The following PRKN variants were observed in gnomAD, a reference collection of about 807,000 sequenced individuals.
The protein encoded by PRKN is parkin RBR E3 ubiquitin protein ligase.
A neutral mutation model predicts 59.5 loss-of-function variants in PRKN; 56 were observed. That is an observed-to-expected ratio of 0.94 (90% CI 0.76 to 1.18). The LOEUF is 1.18. PRKN is among the 50% of genes most tolerant of loss of function. PRKN has a pLI of 0.00. For synonymous variants in PRKN, 250 were observed against 222.1 expected, an observed-to-expected ratio of 1.13 and a Z score of -1.12; for missense variants, 657 against 596.4, an observed-to-expected ratio of 1.10 and a Z score of -1.06.
chr6:162,191,712 G>C (rs1784283650), intron 4 of PRKN, among the ~76,000 whole-genome samples: 1 of 152,124 alleles, frequency 6.6e-6, no homozygotes, highest in African/African-American at 2.4e-5. Context: ...CAAAGTGCTG[G>C]GATTACAGGT....
intron 7 of PRKN, among the ~76,000 whole-genome samples, chr6:161,710,583 A>C (rs1786696622): frequency 6.6e-6 from 1 of 152,152 alleles, no homozygotes; most frequent in Non-Finnish European, 1.5e-5. Context: ...AAACATCATA[A>C]GAATGATTTG....
intron 9 of PRKN, among the ~76,000 whole-genome samples, chr6:161,522,110 A>C (rs973452612): frequency 7.9e-5 from 12 of 152,150 alleles, no homozygotes; most frequent in Admixed American, 6.5e-4. Context: ...TTTCTTAAAA[A>C]GCCGAGTTGG....
intron 9 of PRKN, among the ~76,000 whole-genome samples, chr6:161,516,478 AAAAAAAAAAAAAAAAG>A (rs1411155018): frequency 5.1e-5 from 6 of 118,632 alleles, no homozygotes; most frequent in Admixed American, 8.1e-5. Context: ...AAAAAAAAAA[AAAAAAAAAAAAAAAAG>A]AAGAAGAAGA....
intron 2 of PRKN, among the ~76,000 whole-genome samples, chr6:162,410,459 T>C (rs999560564): frequency 1.3e-5 from 2 of 152,186 alleles, no homozygotes; most frequent in African/African-American, 4.8e-5. Context: ...CCTGCCTCCC[T>C]TGGGGAAGAA....
chr6:162,509,616 A>T (rs1016300163), intron 1 of PRKN, among the ~76,000 whole-genome samples: 2 of 152,192 alleles, frequency 1.3e-5, no homozygotes, highest in Non-Finnish European at 2.9e-5. Flanking sequence ...TGAAAGTGAC[A>T]ATAGTCAAAT....
intron 2 of PRKN, among the ~76,000 whole-genome samples, chr6:162,376,669 A>T (rs1404428903): frequency 6.7e-6 from 1 of 148,808 alleles, no homozygotes; most frequent in Non-Finnish European, 1.5e-5. Flanking sequence ...CTAGACAGCA[A>T]AGTAGTGCCG....
intron 6 of PRKN, among the ~76,000 whole-genome samples, chr6:161,837,522 G>A (rs929417683): frequency 1.3e-5 from 2 of 151,308 alleles, no homozygotes; most frequent in Admixed American, 6.6e-5. Context: ...GCTGCTCTAG[G>A]ACTCCAATTG....
intron 2 of PRKN, among the ~76,000 whole-genome samples, chr6:162,282,862 A>T (rs4709590): frequency 0.085 from 12,946 of 152,160 alleles, 1,205 homozygotes; most frequent in East Asian, 0.5. Context: ...GAGGAATTTG[A>T]ATGTTTCTGA....
intron 1 of PRKN, among the ~76,000 whole-genome samples, chr6:162,634,593 C>T (rs548880507): frequency 4.7e-4 from 72 of 152,316 alleles, no homozygotes; most frequent in African/African-American, 1.7e-3. Context: ...AGTGCAATGG[C>T]TGACACGAGA....
chr6:162,352,851 T>C (rs1159747945), intron 2 of PRKN, among the ~76,000 whole-genome samples: 3 of 152,168 alleles, frequency 2.0e-5, no homozygotes, highest in African/African-American at 2.4e-5. Context: ...TATCCATTTT[T>C]CCCCAAATTT....
chr6:162,458,465 G>T (rs1228380632), intron 1 of PRKN, among the ~76,000 whole-genome samples: 1 of 151,304 alleles, frequency 6.6e-6, no homozygotes, highest in Non-Finnish European at 1.5e-5. Flanking sequence ...ATTAATAGAG[G>T]TTTGTAAGAA....
chr6:161,725,193 G>T (rs558838676), intron 7 of PRKN, among the ~76,000 whole-genome samples: 1 of 152,238 alleles, frequency 6.6e-6, no homozygotes, highest in East Asian at 1.9e-4. Flanking sequence ...TAGTAATGCA[G>T]GACGGCCTAA....
chr6:162,391,455 G>C (rs192998092), intron 2 of PRKN, among the ~76,000 whole-genome samples: 1 of 149,812 alleles, frequency 6.7e-6, no homozygotes, highest in Non-Finnish European at 1.5e-5. Context: ...CATGCTTGAC[G>C]TGGATTTCGA....
intron 7 of PRKN, among the ~76,000 whole-genome samples, chr6:161,624,705 A>G (rs546999502): frequency 9.8e-5 from 15 of 152,348 alleles, no homozygotes; most frequent in African/African-American, 3.6e-4. Context: ...TTTTCATCCC[A>G]CAGGAAACTC....
At chr6:162,232,196 A>G (rs1778452831) in intron 3 of PRKN, among the ~76,000 whole-genome samples, 1 of 152,018 alleles carries the variant, frequency 6.6e-6, no homozygotes, top group Non-Finnish European at 1.5e-5. Flanking sequence ...TAGCCTGACA[A>G]TTTCTGCATC....
intron 1 of PRKN, among the ~76,000 whole-genome samples, chr6:162,544,066 T>C (rs1450656320): frequency 6.6e-6 from 1 of 152,224 alleles, no homozygotes; most frequent in East Asian, 1.9e-4. Context: ...CTTTTCGGAT[T>C]TGTACCTTCT....
At chr6:162,092,219 T>C (rs1007650788) in intron 4 of PRKN, among the ~76,000 whole-genome samples, 8 of 151,690 alleles carry the variant, frequency 5.3e-5, no homozygotes, top group Non-Finnish European at 7.4e-5. Context: ...GCCTGGCATG[T>C]TGGCGAGCGC....
intron 7 of PRKN, among the ~76,000 whole-genome samples, chr6:161,710,777 C>A: frequency 6.6e-6 from 1 of 151,654 alleles, no homozygotes; most frequent in Non-Finnish European, 1.5e-5. Flanking sequence ...GCCTGCTTAA[C>A]TTCCTTCCTT....
At chr6:161,895,574 A>AGTGAGGCTTCTGAGATT (rs1777589385) in intron 6 of PRKN, among the ~76,000 whole-genome samples, 1 of 30,710 alleles carries the variant, frequency 3.3e-5, no homozygotes, top group East Asian at 1.1e-3. Context: ...CTGCCGTTAT[A>AGTGAGGCTTCTGAGATT]CACCCCAGTG....
Sources: gnomAD v4.1 joint callset for allele counts (sites outside exome capture counted in the v4.1 genomes callset) on GRCh38, gnomAD v4.1.1 for gene constraint, MANE v1.5 for transcripts, NCBI Gene and HGNC (gene_info 2026-07-23, HGNC 2026-07-21) for gene names.